PTDSS1: variants seen among roughly 807,000 people sequenced by gnomAD.
PTDSS1 encodes PSS-1.
In PTDSS1, 45 loss-of-function variants were observed where a neutral mutation model predicts 70.5. The ratio of observed to expected loss-of-function variants is 0.64; its 90% CI spans 0.50 to 0.82. The LOEUF (loss-of-function observed/expected upper bound fraction) is 0.82, where lower values mean the gene tolerates loss of function less well. Among genes scored for constraint, PTDSS1 ranks in the 40% least tolerant of loss-of-function variants. The pLI, the probability that PTDSS1 is intolerant of heterozygous loss-of-function variation, is 0.00. For missense variants in PTDSS1, 417 were observed against 586.1 expected (o/e 0.71, Z 2.98); for synonymous variants, 188 against 203.8 (o/e 0.92, Z 0.66).
intron 6 of PTDSS1, among the ~76,000 whole-genome samples, chr8:96,302,784 G>A (rs1811068969): frequency 6.6e-6 from 1 of 152,084 alleles, no homozygotes; most frequent in South Asian, 2.1e-4. Flanking sequence ...GTTTCACCAT[G>A]TTGGCCAGGC....
intron 7 of PTDSS1, among the ~76,000 whole-genome samples, chr8:96,306,179 A>G (rs1811119001): frequency 6.6e-6 from 1 of 152,174 alleles, no homozygotes; most frequent in South Asian, 2.1e-4. Context: ...ACAAACCAGG[A>G]AACATGACAA....
chr8:96,280,487 G>A (rs1191256404), intron 2 of PTDSS1, among the ~76,000 whole-genome samples: 1 of 152,136 alleles, frequency 6.6e-6, no homozygotes, highest in Non-Finnish European at 1.5e-5. Context: ...GAAGCCTGCA[G>A]TGAGCTGAGA....
rs71267241 is a variant in PTDSS1, at chr8:96,318,902, C to CTTTTTTTTTTTTTT, written c.1074-1331_1074-1318dup. ...AAGGGCCTTCTTGGCCCCTTCTTGC[C>CTTTTTTTTTTTTTT]TTTTTTTTTTTTTTTTTTTTTTTTT... is the stretch of plus-strand genomic sequence containing the variant. On this transcript the variant is annotated intron_variant, in intron 9 of 12. Coordinates refer to ENST00000517309, the MANE Select transcript of PTDSS1 (RefSeq NM_014754.3). Among the ~76,000 whole-genome samples, 2 of 46,188 alleles carry CTTTTTTTTTTTTTT rather than the reference C, an allele frequency of 4.3e-5. 1 individual carries two copies. 30.3% of individuals were successfully genotyped at this position (46,188 alleles called of 152,430 possible).
chr8:96,304,427 C>T lies in PTDSS1; in HGVS notation c.894+246C>T, dbSNP rs944912614. Reference sequence around the variant, plus strand: ...TTACAAATTAGAAACAGATTAGATTCCGTGAAATAATTTGTGTCTAGCATC... The same window carrying T: ...TTACAAATTAGAAACAGATTAGATTTCGTGAAATAATTTGTGTCTAGCATC... On this transcript the variant is annotated intron_variant, in intron 7 of 12. Transcript: ENST00000517309. 9.9e-5 allele frequency among the ~76,000 whole-genome samples: 15 copies of T among 152,244 alleles called. No homozygotes were observed. The South Asian group carries it at 2.9e-3, about 29-fold the overall frequency.
chr8:96,325,895 T>C (rs1043793169), intron 10 of PTDSS1, among the ~76,000 whole-genome samples: 9 of 152,164 alleles, frequency 5.9e-5, no homozygotes, highest in Non-Finnish European at 1.3e-4. Context: ...CCGGCTTCCT[T>C]AGTCACCATT....
At chr8:96,305,161 G>T (rs1811104691) in intron 7 of PTDSS1, among the ~76,000 whole-genome samples, 1 of 152,212 alleles carries the variant, frequency 6.6e-6, no homozygotes. Flanking sequence ...ATTACAAGGA[G>T]GAATGATTGG....
chr8:96,304,119 TTTGA>T lies in PTDSS1; in HGVS notation c.833_836del (p.Phe278SerfsTer9). On this transcript the variant is annotated frameshift_variant, in exon 7 of 13. Transcript: ENST00000517309. LOFTEE classifies it high-confidence loss of function. ...TGCTAGCTGGACCTATGTTCGATGG[TTTGA>T]CCCCAAATCTTCTTTTCAGAGAGTA... is the stretch of plus-strand genomic sequence containing the variant. 6.2e-7 allele frequency: 1 copy of T among 1,613,972 alleles called. No individual in the cohort carries two copies. The highest frequency in any genetic ancestry group is 8.5e-7 in the Non-Finnish European group (1 of 1,179,938).
At chr8:96,306,108 T>G (rs1031708236) in intron 7 of PTDSS1, among the ~76,000 whole-genome samples, 5 of 152,224 alleles carry the variant, frequency 3.3e-5, no homozygotes, top group African/African-American at 1.2e-4. Context: ...TTCTGTATGC[T>G]CAAAGCATTT....
intron 8 of PTDSS1, among the ~76,000 whole-genome samples, chr8:96,306,899 C>T (rs529792055): frequency 1.4e-4 from 21 of 152,232 alleles, no homozygotes; most frequent in Non-Finnish European, 1.5e-5. Context: ...AATGAGATTA[C>T]TGGAAAAATG....
At position 96,274,595 on chromosome 8, in the gene PTDSS1, C is replaced by T. The variant is rs533067673; in HGVS notation, c.271+1205C>T. ...ACAAAATTAGCCAGGCGTGGTGGTG[C>T]GTGCCTGTAATCCCAGCTACTCGCG... On this transcript the variant is annotated intron_variant, in intron 2 of 12. Coordinates refer to ENST00000517309, the MANE Select transcript of PTDSS1 (RefSeq NM_014754.3). Among the ~76,000 whole-genome samples the T allele has an allele frequency of 5.9e-5, 9 of 152,192 alleles. No homozygotes were observed. In the East Asian group the frequency reaches 1.5e-3, roughly 26 times the overall value.
At chr8:96,313,421 G>A (rs892473864) in intron 9 of PTDSS1, among the ~76,000 whole-genome samples, 2 of 152,186 alleles carry the variant, frequency 1.3e-5, no homozygotes, top group Non-Finnish European at 2.9e-5. Flanking sequence ...CCAGACTGAT[G>A]TGAACAAATT....
intron 9 of PTDSS1, among the ~76,000 whole-genome samples, chr8:96,318,902 C>CGTT (rs1811333549): frequency 2.2e-5 from 1 of 46,168 alleles, no homozygotes; most frequent in Non-Finnish European, 3.9e-5. Context: ...CCCTTCTTGC[C>CGTT]TTTTTTTTTT....
In PTDSS1 at chr8:96,280,383, G is replaced by A. The variant is rs371950615; in HGVS notation, c.272-3726G>A. The stretch of plus-strand genomic sequence containing the variant: ...CTAAAAATACAAGAATTAGCTGGGC[G>A]TGGTGGCACATGCCTGTAATCCCAG... On this transcript the variant is annotated intron_variant, in intron 2 of 12. Transcript: ENST00000517309. 3.7e-4 allele frequency among the ~76,000 whole-genome samples: 57 copies of A among 152,186 alleles called. No individual in the cohort carries two copies. In the South Asian group the frequency reaches 0.011, roughly 30 times the overall value.
At chr8:96,323,860 G>C (rs935499674) in intron 10 of PTDSS1, among the ~76,000 whole-genome samples, 2 of 152,214 alleles carry the variant, frequency 1.3e-5, no homozygotes, top group African/African-American at 4.8e-5. Context: ...GCCAGGCTTT[G>C]AATTTTCCAG....
At chr8:96,315,953 G>T (rs1423476370) in intron 9 of PTDSS1, among the ~76,000 whole-genome samples, 1 of 152,176 alleles carries the variant, frequency 6.6e-6, no homozygotes, top group Non-Finnish European at 1.5e-5. Flanking sequence ...TCTCACACTG[G>T]CAGGCTTAAT....
chr8:96,321,065 T>C (rs1405003816), intron 10 of PTDSS1, among the ~76,000 whole-genome samples: 1 of 152,256 alleles, frequency 6.6e-6, no homozygotes, highest in Non-Finnish European at 1.5e-5. Context: ...GTCTAGAAAA[T>C]GTATTGGGCT....
intron 4 of PTDSS1, among the ~76,000 whole-genome samples, chr8:96,289,354 C>A (rs1810870223): frequency 6.6e-6 from 1 of 152,176 alleles, no homozygotes; most frequent in East Asian, 1.9e-4. Flanking sequence ...AGGAACTTAC[C>A]AAGTCACCTC....
intron 5 of PTDSS1, among the ~76,000 whole-genome samples, chr8:96,298,976 G>A (rs549969266): frequency 6.6e-6 from 1 of 151,406 alleles, no homozygotes; most frequent in South Asian, 2.1e-4. Context: ...GGAGGCAGAG[G>A]TTGCAGTGAG....
At chr8:96,309,755 C>G in intron 9 of PTDSS1, 133 bp downstream of exon 9, 1 of 591,596 alleles carries the variant, frequency 1.7e-6, no homozygotes, top group Non-Finnish European at 3.0e-6. Flanking sequence ...TTTTATATAT[C>G]TATATCTATA....
Sources: allele counts gnomAD v4.1 joint callset (sites outside exome capture counted in the v4.1 genomes callset), GRCh38; gene constraint gnomAD v4.1.1; transcripts MANE v1.5; gene names NCBI Gene and HGNC (gene_info 2026-07-23, HGNC 2026-07-21).